Variants in PHLDB1 observed in about 807,000 individuals in gnomAD.
PHLDB1 encodes pleckstrin homology like domain family B member 1, also known as pleckstrin homology-like domain family B member 1.
Under a neutral mutation model 139.3 loss-of-function variants are expected in PHLDB1, and 65 were observed. That is an observed-to-expected ratio of 0.47 (90% CI 0.38 to 0.57). PHLDB1 has a LOEUF of 0.57. Ranked by LOEUF, PHLDB1 falls within the 20% of genes least tolerant of loss-of-function variation. PHLDB1 has a pLI of 0.00. For missense variants in PHLDB1, 1,624 were observed against 1,839.7 expected, an observed-to-expected ratio of 0.88 and a Z score of 2.14; for synonymous variants, 679 against 734.5, an observed-to-expected ratio of 0.92 and a Z score of 1.22.
In PHLDB1 at chr11:118,657,805, CCT is replaced by C; in HGVS notation, c.*983_*984del. On this transcript the variant is annotated 3_prime_UTR_variant, in exon 23 of 23. Transcript: ENST00000600882. ...AGATGATGCAGCAGAGGGGAAGGGC[CCT>C]GTGGTGCCGCCGCCCTTCCTTCAGC... 5 of 161,942 alleles carry C rather than the reference CCT, an allele frequency of 3.1e-5. No homozygotes were observed. The highest frequency in any genetic ancestry group is 1.8e-4 in the South Asian group (1 of 5,636). The allele number at this position is 161,942 out of a possible 1,614,324, so 10.0% of individuals were successfully genotyped here.
chr11:118,638,757 T>C, intron 10 of PHLDB1, 134 bp from the exon 11 acceptor site: 1 of 663,230 alleles, frequency 1.5e-6, no homozygotes, highest in Non-Finnish European at 2.5e-6. Flanking sequence ...TTAGGGTGAG[T>C]TGAGGCCAAG....
chr11:118,627,453 A>AGCTGCTGGCAAGAAGCCTGCC lies in PHLDB1; in HGVS notation c.633_653dup (p.Ala212_Ala218dup). 6.2e-7 allele frequency: 1 copy of AGCTGCTGGCAAGAAGCCTGCC among 1,614,144 alleles called. No individual in the cohort carries two copies. Among genetic ancestry groups the AGCTGCTGGCAAGAAGCCTGCC allele is most frequent in the African/African-American group, 1.3e-5 (1 of 75,036 alleles). On this transcript the variant is annotated inframe_insertion, in exon 6 of 23. Coordinates refer to ENST00000600882, the MANE Select transcript of PHLDB1 (RefSeq NM_001144758.3). Reference sequence around the variant, plus strand: ...ACTCACTGGTGCTAGAGGAGCCTGGAGCTGCTGGCAAGAAGCCTGCCGCAA... The same window carrying AGCTGCTGGCAAGAAGCCTGCC: ...ACTCACTGGTGCTAGAGGAGCCTGGAGCTGCTGGCAAGAAGCCTGCCGCTGCTGGCAAGAAGCCTGCCGCAA...
chr11:118,645,163 G>A lies in PHLDB1; in HGVS notation c.3122-193G>A, dbSNP rs975880520. ...CCAGACTGTGCATCTGTGGCCGGTT[G>A]TGCAGGCGACTGAAGCATTGGCAGA... On this transcript the variant is annotated intron_variant, in intron 15 of 22. Coordinates refer to ENST00000600882, the MANE Select transcript of PHLDB1 (RefSeq NM_001144758.3). This position sits in a 1 kb window ranked among gnomAD's most constrained non-coding sequence, Gnocchi z 5.1. The A allele has an allele frequency of 2.0e-6, 1 of 506,704 alleles. No homozygotes were observed. Among genetic ancestry groups the A allele is most frequent in the Non-Finnish European group, 3.4e-6 (1 of 290,910 alleles). 31.4% of individuals were successfully genotyped at this position (506,704 alleles called of 1,614,324 possible). A position where few individuals can be genotyped will look rare whatever the true frequency, so the allele number is the denominator to read the frequency against.
intron 4 of PHLDB1, among the ~76,000 whole-genome samples, chr11:118,619,211 C>T (rs1350838366): frequency 6.6e-6 from 1 of 152,172 alleles, no homozygotes; most frequent in East Asian, 1.9e-4. Context: ...AAGCCACCAG[C>T]TCAGGGCCCA....
intron 10 of PHLDB1, chr11:118,637,968 A>C (rs1044479321): frequency 5.3e-5 from 8 of 152,286 alleles, no homozygotes; most frequent in Non-Finnish European, 1.0e-4. Context: ...TTCACAAATA[A>C]CAATAATAAA....
At chr11:118,623,553 G>T (rs1053532060) in intron 4 of PHLDB1, among the ~76,000 whole-genome samples, 2 of 152,232 alleles carry the variant, frequency 1.3e-5, no homozygotes, top group Admixed American at 1.3e-4. Flanking sequence ...GCCTAGTCTT[G>T]GCCTGATGCC....
At chr11:118,621,312 C>T (rs1942727289) in intron 4 of PHLDB1, 1 of 152,518 alleles carries the variant, frequency 6.6e-6, no homozygotes, top group South Asian at 2.1e-4. Flanking sequence ...TTCCTCTTCC[C>T]CTCCTCCTCT....
In PHLDB1 at chr11:118,629,908, A is replaced by G. The variant is rs944641394; in HGVS notation, c.1827+1258A>G. ...CTAGTCCTGACCTGCCTCACCTGCC[A>G]CTTTAAGTCTTGGAGGCTGCCCGCC... is the stretch of plus-strand genomic sequence containing the variant. On this transcript the variant is annotated intron_variant, in intron 6 of 22. Coordinates refer to ENST00000600882, the MANE Select transcript of PHLDB1 (RefSeq NM_001144758.3). 19 of 776,004 alleles carry G rather than the reference A, an allele frequency of 2.4e-5. 2 individuals carry two copies. The South Asian group carries it at 2.9e-4, about 12-fold the overall frequency. 48.1% of individuals were successfully genotyped at this position (776,004 alleles called of 1,614,324 possible).
At chr11:118,644,221 G>A in intron 15 of PHLDB1, 47 bp downstream of exon 15, 1 of 1,370,456 alleles carries the variant, frequency 7.3e-7, no homozygotes, top group African/African-American at 1.4e-5. Flanking sequence ...AGGGGACCCT[G>A]GGTAGTTGCC....
At chr11:118,640,578 A>G (rs558927429) in intron 12 of PHLDB1, 5 of 152,518 alleles carry the variant, frequency 3.3e-5, no homozygotes, top group African/African-American at 7.2e-5. Flanking sequence ...CTCACAGCCC[A>G]TCTTGCTCAG....
At chr11:118,641,435 G>A (rs1330222805) in intron 12 of PHLDB1, 1 of 238,360 alleles carries the variant, frequency 4.2e-6, no homozygotes, top group Non-Finnish European at 8.2e-6. Flanking sequence ...ATGGCCTGGG[G>A]AGGGGCACGC....
intron 4 of PHLDB1, among the ~76,000 whole-genome samples, chr11:118,617,801 G>A (rs968718749): frequency 6.6e-6 from 1 of 152,084 alleles, no homozygotes. Context: ...AAAAATTGGG[G>A]CTTGGCTATG....
chr11:118,639,790 A>G, intron 12 of PHLDB1: 6 of 887,738 alleles, frequency 6.8e-6, no homozygotes, highest in Non-Finnish European at 8.1e-6. Context: ...TACACAAACA[A>G]TTTAGGCCTG....
At position 118,628,217 on chromosome 11, in the gene PHLDB1, C is replaced by T. The variant is rs782158592; in HGVS notation, c.1394C>T (p.Ser465Phe). ...CTACCCCCCTTAAGTCCATCTCTGT[C>T]CCGGCGAGCTCTCTCCCCGCTGCCC... ...RELPPLSPSL[S>F]RRALSPLPTR... The change falls in exon 6 of 23, where the codon TCC becomes TTC. Residue 465 changes from serine (S) to phenylalanine (F), a missense_variant. Coordinates refer to ENST00000600882, the MANE Select transcript of PHLDB1 (RefSeq NM_001144758.3). The T allele has an allele frequency of 8.1e-6, 13 of 1,613,970 alleles. No homozygotes were observed. Among genetic ancestry groups the T allele is most frequent in the Non-Finnish European group, 1.0e-5 (12 of 1,179,976 alleles).
chr11:118,657,973 G>C lies in PHLDB1; in HGVS notation c.*1150G>C. Reference sequence around the variant, plus strand: ...CTTGGTTGCCTGGGCCCAGGCTGGGGGTTTTCAGTATTTGTAAGCATTTCA... The same window carrying C: ...CTTGGTTGCCTGGGCCCAGGCTGGGCGTTTTCAGTATTTGTAAGCATTTCA... On this transcript the variant is annotated 3_prime_UTR_variant, in exon 23 of 23. Coordinates refer to ENST00000600882, the MANE Select transcript of PHLDB1 (RefSeq NM_001144758.3). 3.2e-6 allele frequency: 1 copy of C among 314,476 alleles called. No homozygotes were observed. Among genetic ancestry groups the C allele is most frequent in the South Asian group, 6.7e-5 (1 of 14,936 alleles). 19.5% of individuals were successfully genotyped at this position (314,476 alleles called of 1,614,324 possible).
rs782288587 is a variant in PHLDB1, at chr11:118,631,374, C to T, written c.1995C>T (p.Ser665=). Residue 665 remains serine (S), a synonymous_variant, in exon 7 of 23, where the codon AGC becomes AGT. Coordinates refer to ENST00000600882, the MANE Select transcript of PHLDB1 (RefSeq NM_001144758.3). The part of the protein sequence containing the change: ...RGLAGASGRS[S]EEPGVATQRL... The stretch of plus-strand genomic sequence containing the variant: ...TTGCAGGGGCCTCTGGGCGGAGCAG[C>T]GAGGAGCCTGGCGTTGCCACCCAAC... 15 of 1,519,186 alleles carry T rather than the reference C, an allele frequency of 9.9e-6. No homozygotes were observed. Among genetic ancestry groups the T allele is most frequent in the East Asian group, 7.5e-5 (3 of 39,762 alleles). The allele number at this position is 1,519,186 out of a possible 1,614,324, so 94.1% of individuals were successfully genotyped here.
At chr11:118,616,483 A>AGGGCCTGGC (rs562596195) in intron 4 of PHLDB1, among the ~76,000 whole-genome samples, 236 of 148,918 alleles carry the variant, frequency 1.6e-3, no homozygotes, top group African/African-American at 5.3e-3. Flanking sequence ...CCGCCATCAG[A>AGGGCCTGGC]GGGCCTGGGG....
chr11:118,631,261 G>A lies in PHLDB1; in HGVS notation c.1882G>A (p.Asp628Asn). 1 of 1,494,610 alleles carries A rather than the reference G, an allele frequency of 6.7e-7. No individual in the cohort carries two copies. The highest frequency in any genetic ancestry group is 8.9e-7 in the Non-Finnish European group (1 of 1,123,114). The allele number at this position is 1,494,610 out of a possible 1,614,324, so 92.6% of individuals were successfully genotyped here. The change falls in exon 7 of 23, where the codon GAT (aspartate) becomes AAT (asparagine). Residue 628 changes from aspartate (D) to asparagine (N), a missense_variant. Coordinates refer to ENST00000600882, the MANE Select transcript of PHLDB1 (RefSeq NM_001144758.3). ...LNLCAEYSRA[D>N]GGPEAGELPS... ...CCTGTGTGCCGAATACAGCCGGGCTGATGGGGGACCTGAGGCTGGGGAGCT... is the reference window on the plus strand; with the variant it reads ...CCTGTGTGCCGAATACAGCCGGGCTAATGGGGGACCTGAGGCTGGGGAGCT...
Position 118,628,007 on chromosome 11 carries a change from T to C in PHLDB1, c.1184T>C (p.Ile395Thr). The C allele has an allele frequency of 6.2e-7, 1 of 1,613,722 alleles. No individual in the cohort carries two copies. Among genetic ancestry groups the C allele is most frequent in the South Asian group, 1.1e-5 (1 of 91,080 alleles). ...QPPVPAPRNK[I>T]GTLQDRPPSP... Reference sequence around the variant, plus strand: ...CCAGTCCCTGCTCCCCGAAACAAGATTGGCACACTCCAGGACCGCCCTCCC... The same window carrying C: ...CCAGTCCCTGCTCCCCGAAACAAGACTGGCACACTCCAGGACCGCCCTCCC... The change falls in exon 6 of 23, where the codon ATT becomes ACT. Residue 395 changes from isoleucine (I) to threonine (T), a missense_variant. Ile to Thr is a moderately conservative substitution (Grantham distance 89). Coordinates refer to ENST00000600882, the MANE Select transcript of PHLDB1 (RefSeq NM_001144758.3).
Sources: allele counts gnomAD v4.1 joint callset (sites outside exome capture counted in the v4.1 genomes callset), GRCh38; gene constraint gnomAD v4.1.1; non-coding constraint Gnocchi (gnomAD v3.1); transcripts MANE v1.5; gene names NCBI Gene and HGNC (gene_info 2026-07-23, HGNC 2026-07-21).